MBOAT1: variants seen among roughly 807,000 people sequenced by gnomAD.
The protein encoded by MBOAT1 is membrane bound glycerophospholipid O-acyltransferase 1, also known as membrane-bound glycerophospholipid O-acyltransferase 1.
A neutral mutation model predicts 64.4 loss-of-function variants in MBOAT1; 67 were observed. That is an observed-to-expected ratio of 1.04 (90% CI 0.85 to 1.27). MBOAT1 has a LOEUF of 1.27. Ranked by LOEUF, MBOAT1 falls within the 50% of genes most tolerant of loss-of-function variation. MBOAT1 has a pLI of 0.00. For synonymous variants in MBOAT1, 229 were observed against 218.9 expected, an observed-to-expected ratio of 1.05 and a Z score of -0.41; for missense variants, 563 against 604.6, an observed-to-expected ratio of 0.93 and a Z score of 0.72.
intron 1 of MBOAT1, among the ~76,000 whole-genome samples, chr6:20,172,634 G>GT (rs111718817): frequency 0.01 from 1,510 of 150,822 alleles, 28 homozygotes; most frequent in African/African-American, 0.035. Context: ...TGTGCTTAAG[G>GT]TTTTTTTTTC....
chr6:20,113,390 T>G (rs1760231306), intron 10 of MBOAT1, among the ~76,000 whole-genome samples: 1 of 152,250 alleles, frequency 6.6e-6, no homozygotes, highest in Non-Finnish European at 1.5e-5. Context: ...CTTAAGTAAG[T>G]GCCATTGGCA....
At chr6:20,107,465 C>A (rs752245599) in intron 12 of MBOAT1, among the ~76,000 whole-genome samples, 1 of 152,176 alleles carries the variant, frequency 6.6e-6, no homozygotes, top group South Asian at 2.1e-4. Context: ...CAAAAAGATG[C>A]CCCCAGTGCC....
At chr6:20,110,602 A>T (rs890478702) in intron 11 of MBOAT1, among the ~76,000 whole-genome samples, 5 of 151,990 alleles carry the variant, frequency 3.3e-5, no homozygotes, top group African/African-American at 1.2e-4. Flanking sequence ...CAAAAAAAAA[A>T]TTTCTTTCTT....
At chr6:20,177,788 AAAAC>A (rs750601101) in intron 1 of MBOAT1, among the ~76,000 whole-genome samples, 56 of 63,218 alleles carry the variant, frequency 8.9e-4, no homozygotes, top group African/African-American at 9.2e-4. Context: ...AAAAAAAAAA[AAAAC>A]AAAAAACTTG....
chr6:20,206,615 C>T lies in MBOAT1; in HGVS notation c.99+5521G>A, dbSNP rs573083705. 1.0e-3 allele frequency among the ~76,000 whole-genome samples: 154 copies of T among 152,316 alleles called. 2 individuals carry two copies. Among genetic ancestry groups the T allele is most frequent in the African/African-American group, 3.5e-3 (146 of 41,566 alleles). ...ACAGACAGCAGGCCGGGTCACACCCCCTCTGCTCCCTCTTCCTGCTTTCAG... is the reference window on the plus strand; with the variant it reads ...ACAGACAGCAGGCCGGGTCACACCCTCTCTGCTCCCTCTTCCTGCTTTCAG... On this transcript the variant is annotated intron_variant, in intron 1 of 12. Transcript: ENST00000324607.
At chr6:20,115,154 A>C in intron 10 of MBOAT1, 134 bp downstream of exon 10, 1 of 706,954 alleles carries the variant, frequency 1.4e-6, no homozygotes, top group African/African-American at 1.8e-5. Context: ...TATCATTTAC[A>C]GGGCACAGAT....
chr6:20,201,362 G>A (rs1361319718), intron 1 of MBOAT1, among the ~76,000 whole-genome samples: 1 of 152,080 alleles, frequency 6.6e-6, no homozygotes, highest in Non-Finnish European at 1.5e-5. Context: ...AAGGGAGGGA[G>A]GGAGGGAACC....
intron 1 of MBOAT1, among the ~76,000 whole-genome samples, chr6:20,173,255 G>A (rs1458383081): frequency 6.6e-6 from 1 of 152,034 alleles, no homozygotes; most frequent in Non-Finnish European, 1.5e-5. Context: ...GACTAATACA[G>A]ATGGATTCTA....
intron 1 of MBOAT1, among the ~76,000 whole-genome samples, chr6:20,188,088 C>A (rs558487171): frequency 1.1e-4 from 17 of 152,246 alleles, no homozygotes; most frequent in African/African-American, 3.6e-4. Context: ...GGCAACCCTA[C>A]GAACTACAAG....
At chr6:20,142,809 T>C (rs1761218015) in intron 4 of MBOAT1, among the ~76,000 whole-genome samples, 1 of 152,142 alleles carries the variant, frequency 6.6e-6, no homozygotes, top group Non-Finnish European at 1.5e-5. Flanking sequence ...GAAAGCACGC[T>C]CCACAATGTG....
chr6:20,177,773 C>CAA (rs58552446), intron 1 of MBOAT1, among the ~76,000 whole-genome samples: 8 of 84,610 alleles, frequency 9.5e-5, no homozygotes, highest in East Asian at 8.6e-4. Flanking sequence ...GACTCCGTCT[C>CAA]AAAAAAAAAA....
chr6:20,184,623 G>A (rs1318220847), intron 1 of MBOAT1, among the ~76,000 whole-genome samples: 9 of 152,060 alleles, frequency 5.9e-5, no homozygotes, highest in Non-Finnish European at 1.2e-4. Flanking sequence ...AACCATGGAG[G>A]ACACAAATCC....
intron 1 of MBOAT1, among the ~76,000 whole-genome samples, chr6:20,169,238 C>G (rs1173159323): frequency 1.3e-5 from 2 of 152,244 alleles, no homozygotes; most frequent in Non-Finnish European, 2.9e-5. Context: ...ATGCAACACC[C>G]CAGGGTGTGG....
chr6:20,119,125 A>G (rs913043688), intron 8 of MBOAT1, among the ~76,000 whole-genome samples: 7 of 152,200 alleles, frequency 4.6e-5, no homozygotes, highest in Admixed American at 3.3e-4. Flanking sequence ...GGGGTTAAAA[A>G]AAGTTTAGGT....
At chr6:20,131,241 C>T (rs1271865900) in intron 4 of MBOAT1, 42 bp from the exon 5 acceptor site, 20 of 1,564,232 alleles carry the variant, frequency 1.3e-5, no homozygotes, top group Non-Finnish European at 1.5e-5. Context: ...GCAAGAAGGC[C>T]ATTGATGTGG....
intron 12 of MBOAT1, 92 bp from the exon 13 acceptor site, chr6:20,102,504 GAGCACCGC>G: frequency 9.9e-6 from 11 of 1,107,350 alleles, no homozygotes; most frequent in South Asian, 6.4e-5. Context: ...TGACAAGTGA[GAGCACCGC>G]TTTTGGCAGT....
intron 1 of MBOAT1, among the ~76,000 whole-genome samples, chr6:20,192,853 T>C (rs892803742): frequency 3.3e-5 from 5 of 152,096 alleles, no homozygotes; most frequent in African/African-American, 1.2e-4. Flanking sequence ...TCCCAGCTCT[T>C]CCTAGTCCTA....
intron 1 of MBOAT1, among the ~76,000 whole-genome samples, chr6:20,198,733 G>C (rs1272849353): frequency 6.6e-6 from 1 of 152,154 alleles, no homozygotes; most frequent in Non-Finnish European, 1.5e-5. Context: ...TATACAAGAG[G>C]TTTTTCAGCT....
intron 2 of MBOAT1, 72 bp from the exon 3 acceptor site, chr6:20,151,334 CTG>C (rs1293556194): frequency 9.1e-7 from 1 of 1,093,136 alleles, no homozygotes; most frequent in Non-Finnish European, 1.4e-6. Flanking sequence ...GTCACCAAAA[CTG>C]TGAATCCATC....
Sources: gnomAD v4.1 joint callset for allele counts (sites outside exome capture counted in the v4.1 genomes callset) on GRCh38, gnomAD v4.1.1 for gene constraint, MANE v1.5 for transcripts, NCBI Gene and HGNC (gene_info 2026-07-23, HGNC 2026-07-21) for gene names.